The following MTMR8 variants were observed in gnomAD, a reference collection of about 807,000 sequenced individuals.
MTMR8 encodes the protein phosphatidylinositol-3,5-bisphosphate 3-phosphatase MTMR8.
A neutral mutation model predicts 39.3 loss-of-function variants in MTMR8; 65 were observed. The observed-to-expected ratio is 1.65, with a 90% CI of 1.35 to 2.03. The LOEUF is 2.03. Among genes scored for constraint, MTMR8 ranks in the 30% most tolerant of loss-of-function variants. The pLI, the probability that MTMR8 is intolerant of heterozygous loss-of-function variation, is 0.00. For synonymous variants in MTMR8, 245 were observed against 185.2 expected (o/e 1.32, Z -2.62); for missense variants, 777 against 538.9 (o/e 1.44, Z -4.37).
intron 12 of MTMR8, 97 bp from the exon 13 acceptor site, chrX:64,271,170 G>C: frequency 1.1e-6 from 1 of 904,099 alleles, no homozygotes; most frequent in Non-Finnish European, 1.5e-6. Flanking sequence ...TGGCTTAGTA[G>C]GTGGGAAAAT....
At chrX:64,347,251 A>G in intron 6 of MTMR8, among the ~76,000 whole-genome samples, 1 of 111,235 alleles carries the variant, frequency 9.0e-6, no homozygotes, top group South Asian at 3.8e-4. Flanking sequence ...GTTAAAAAAA[A>G]GGGGGCTTTT....
intron 12 of MTMR8, among the ~76,000 whole-genome samples, chrX:64,285,476 A>G (rs1921129136): frequency 9.0e-6 from 1 of 111,711 alleles, no homozygotes; most frequent in Non-Finnish European, 1.9e-5. Context: ...AGCAGACCTA[A>G]TAGACATCTA....
chrX:64,308,369 CTG>C, intron 12 of MTMR8, among the ~76,000 whole-genome samples: 2 of 88,072 alleles, frequency 2.3e-5, no homozygotes, highest in Admixed American at 2.7e-4. Flanking sequence ...CGGGGTTTCA[CTG>C]TGTTAGCCAG....
At position 64,345,171 on chromosome X, in the gene MTMR8, C is replaced by A. The variant is rs768174114; in HGVS notation, c.739G>T (p.Ala247Ser). 5 of 1,208,995 alleles carry A rather than the reference C, an allele frequency of 4.1e-6. No individual in the cohort carries two copies. The Admixed American group carries it at 1.1e-4, about 26-fold the overall frequency. Reference protein sequence around the residue: ...YVVDTRPKLNAMANRAAGKGY... With the variant: ...YVVDTRPKLNSMANRAAGKGY... ...TTCCCAGCTGCTCGGTTGGCCATGG[C>A]ATTCAACTGCAATAGCAGAGGACAT... The change falls in exon 7 of 14, where the codon GCC becomes TCC. Residue 247 changes from alanine to serine, a missense_variant. By Grantham distance (99) the Ala-to-Ser change is moderately conservative (BLOSUM62 1). Transcript: ENST00000374852.
At chrX:64,361,865 A>G (rs1013977141) in intron 1 of MTMR8, among the ~76,000 whole-genome samples, 2 of 111,006 alleles carry the variant, frequency 1.8e-5, no homozygotes, top group Admixed American at 1.9e-4. Flanking sequence ...TGCAAGGATC[A>G]GAAGGGAAGT....
chrX:64,354,919 A>G lies in MTMR8; in HGVS notation c.326T>C (p.Leu109Pro). The stretch of plus-strand genomic sequence containing the variant: ...TTTGGGATTATAAGAAAAAGCATAA[A>G]GATCTTCAGGTAATGCTGGAGAAGA... ...KLSQPALPED[L>P]YAFSYNPKSS... is the part of the protein sequence containing the mutation. The change falls in exon 4 of 14, where the codon CTT becomes CCT. Residue 109 changes from leucine (L) to proline (P), a missense_variant. Coordinates refer to ENST00000374852, the MANE Select transcript of MTMR8 (RefSeq NM_017677.4). The G allele has an allele frequency of 2.5e-6, 3 of 1,198,492 alleles. No individual in the cohort carries two copies. The highest frequency in any genetic ancestry group is 3.4e-6 in the Non-Finnish European group (3 of 889,641).
chrX:64,314,594 C>T (rs181857405), intron 12 of MTMR8, among the ~76,000 whole-genome samples: 3 of 113,100 alleles, frequency 2.7e-5, no homozygotes, highest in East Asian at 2.8e-4. Flanking sequence ...ACTGCAATGG[C>T]GGTACAGCAG....
At chrX:64,288,914 T>A (rs1412521062) in intron 12 of MTMR8, among the ~76,000 whole-genome samples, 4 of 110,435 alleles carry the variant, frequency 3.6e-5, no homozygotes, top group Non-Finnish European at 7.6e-5. Context: ...ATATATCTAA[T>A]ATAAATGAAG....
At chrX:64,323,082 A>G (rs1213212775) in intron 12 of MTMR8, among the ~76,000 whole-genome samples, 1 of 112,185 alleles carries the variant, frequency 8.9e-6, no homozygotes, top group Non-Finnish European at 1.9e-5. Context: ...TGACAATGGC[A>G]TACCAGCCAG....
chrX:64,272,049 G>A (rs1302046873), intron 12 of MTMR8, among the ~76,000 whole-genome samples: 1 of 111,882 alleles, frequency 8.9e-6, no homozygotes, highest in Non-Finnish European at 1.9e-5. Flanking sequence ...GTTTAAACTA[G>A]GACAATGGGT....
At chrX:64,306,320 T>G (rs1006210980) in intron 12 of MTMR8, 22 of 296,814 alleles carry the variant, frequency 7.4e-5, no homozygotes, top group Non-Finnish European at 1.3e-4. Flanking sequence ...AGGTTCTAGA[T>G]GCAGTGTTTG....
At chrX:64,344,100 C>A (rs768800075) in intron 7 of MTMR8, among the ~76,000 whole-genome samples, 20 of 110,299 alleles carry the variant, frequency 1.8e-4, no homozygotes, top group Non-Finnish European at 3.2e-4. Context: ...ACTCCCACAC[C>A]CCCATCTACT....
At chrX:64,298,974 G>C (rs1231325398) in intron 12 of MTMR8, among the ~76,000 whole-genome samples, 1 of 70,712 alleles carries the variant, frequency 1.4e-5, no homozygotes, top group Non-Finnish European at 2.4e-5. Context: ...TGCTGGATTC[G>C]GTTTGCCAGT....
intron 12 of MTMR8, chrX:64,305,674 C>T (rs1251584088): frequency 3.8e-6 from 2 of 531,544 alleles, no homozygotes; most frequent in African/African-American, 2.3e-5. Flanking sequence ...TGTATTTGTT[C>T]ATTGCCAGCA....
chrX:64,363,261 C>T (rs1459539666), intron 1 of MTMR8, among the ~76,000 whole-genome samples: 1 of 111,903 alleles, frequency 8.9e-6, no homozygotes, highest in Non-Finnish European at 1.9e-5. Flanking sequence ...ATACTTGTCC[C>T]CACCCAAATC....
intron 12 of MTMR8, among the ~76,000 whole-genome samples, chrX:64,309,823 T>A (rs184362941): frequency 8.9e-6 from 1 of 112,538 alleles, no homozygotes; most frequent in East Asian, 2.8e-4. Flanking sequence ...AACAACATTA[T>A]ATCTAAAAAC....
At chrX:64,302,146 C>T (rs964604865) in intron 12 of MTMR8, among the ~76,000 whole-genome samples, 10 of 112,715 alleles carry the variant, frequency 8.9e-5, no homozygotes, top group Non-Finnish European at 1.7e-4. Context: ...TGGGCAATGG[C>T]GGGCGCCCCT....
In MTMR8 at chrX:64,359,512, A is replaced by G; in HGVS notation, c.40T>C (p.Leu14=). ...TTCTTACTCACATAACGATCCACCA[A>G]TTTCACGTTTTCTACCTGTTATTGG... ...ITVPKVENVK[L]VDRYVSKKPA... Residue 14 remains leucine, a synonymous_variant, in exon 2 of 14, where the codon TTG becomes CTG. Coordinates refer to ENST00000374852, the MANE Select transcript of MTMR8 (RefSeq NM_017677.4). 2 of 1,198,531 alleles carry G rather than the reference A, an allele frequency of 1.7e-6. No homozygotes were observed. Among genetic ancestry groups the G allele is most frequent in the Non-Finnish European group, 2.3e-6 (2 of 888,135 alleles).
chrX:64,302,987 C>T (rs1177907911), intron 12 of MTMR8, among the ~76,000 whole-genome samples: 1 of 112,394 alleles, frequency 8.9e-6, no homozygotes, highest in Non-Finnish European at 1.9e-5. Flanking sequence ...TGGCCTCGTG[C>T]TGTGAAGGAT....
Sources: gnomAD v4.1 joint callset for allele counts (sites outside exome capture counted in the v4.1 genomes callset) on GRCh38, gnomAD v4.1.1 for gene constraint, MANE v1.5 for transcripts, NCBI Gene and HGNC (gene_info 2026-07-23, HGNC 2026-07-21) for gene names.